C18orf63: variants seen among roughly 807,000 people sequenced by gnomAD.
C18orf63 encodes chromosome 18 open reading frame 63.
C18orf63 carries 50 observed loss-of-function variants against 75.3 expected under a neutral mutation model. The observed-to-expected ratio is 0.66, with a 90% CI of 0.53 to 0.84. The LOEUF is 0.84. Ranked by LOEUF, C18orf63 falls within the 40% of genes least tolerant of loss-of-function variation. The pLI, the probability that C18orf63 is intolerant of heterozygous loss-of-function variation, is 0.00. For synonymous variants in C18orf63, 232 were observed against 267.6 expected (o/e 0.87, Z 1.30); for missense variants, 732 against 800.2 (o/e 0.91, Z 1.03).
intron 4 of C18orf63, among the ~76,000 whole-genome samples, chr18:74,324,266 C>T (rs1390862393): frequency 6.6e-6 from 1 of 152,232 alleles, no homozygotes; most frequent in Non-Finnish European, 1.5e-5. Context: ...ATTTTACCCA[C>T]TGCCACTACT....
At chr18:74,343,409 A>G (rs1984520672) in intron 10 of C18orf63, 110 bp from the exon 11 acceptor site, 1 of 616,160 alleles carries the variant, frequency 1.6e-6, no homozygotes, top group South Asian at 2.3e-5. Flanking sequence ...GAGTTAAGAT[A>G]TATTTATGTG....
intron 4 of C18orf63, among the ~76,000 whole-genome samples, chr18:74,323,125 G>A (rs1984152735): frequency 6.6e-6 from 1 of 152,162 alleles, no homozygotes; most frequent in Non-Finnish European, 1.5e-5. Flanking sequence ...ATGGTGATGA[G>A]CTTCTGGATC....
At chr18:74,327,283 G>A (rs1984224960) in intron 4 of C18orf63, among the ~76,000 whole-genome samples, 1 of 152,134 alleles carries the variant, frequency 6.6e-6, no homozygotes, top group Admixed American at 6.6e-5. Context: ...TTTAGATTAA[G>A]TAAACTTAAT....
intron 2 of C18orf63, among the ~76,000 whole-genome samples, chr18:74,319,708 T>G (rs1358819433): frequency 2.6e-5 from 4 of 152,188 alleles, no homozygotes; most frequent in African/African-American, 9.6e-5. Flanking sequence ...AGGTGAATCC[T>G]TAGACTCTTG....
At chr18:74,342,453 C>T (rs928982716) in intron 10 of C18orf63, 127 bp downstream of exon 10, 100 of 607,258 alleles carry the variant, frequency 1.6e-4, no homozygotes, top group East Asian at 1.2e-3. Context: ...GGTACATTTC[C>T]TCCTACTTCT....
intron 11 of C18orf63, among the ~76,000 whole-genome samples, chr18:74,346,102 ACTTTATG>A (rs1289411109): frequency 6.6e-6 from 1 of 152,090 alleles, no homozygotes; most frequent in African/African-American, 2.4e-5. Flanking sequence ...ATAGTTTATA[ACTTTATG>A]TATGGGAAGT....
At chr18:74,332,021 C>G (rs774377687) in intron 7 of C18orf63, among the ~76,000 whole-genome samples, 12 of 152,106 alleles carry the variant, frequency 7.9e-5, no homozygotes, top group Non-Finnish European at 1.5e-4. Flanking sequence ...TGATGAGGAA[C>G]CTTCCCAAGG....
rs1045444372 is a variant in C18orf63 at position 74,357,802 on chromosome 18, A to T, written c.*1355A>T. 6.6e-6 allele frequency: 1 copy of T among 152,102 alleles called. No individual in the cohort carries two copies. The highest frequency in any genetic ancestry group is 1.5e-5 in the Non-Finnish European group (1 of 68,016). 9.4% of individuals were successfully genotyped at this position (152,102 alleles called of 1,614,324 possible). On this transcript the variant is annotated 3_prime_UTR_variant, in exon 14 of 14. Transcript: ENST00000579455. ...CCAGAATTATCTCTATTTCCCAATTATTTTACCATTTTCATAAGGATAAGC... is the reference window on the plus strand; with the variant it reads ...CCAGAATTATCTCTATTTCCCAATTTTTTTACCATTTTCATAAGGATAAGC...
chr18:74,317,032 A>T (rs1311899166), intron 1 of C18orf63, among the ~76,000 whole-genome samples: 1 of 152,194 alleles, frequency 6.6e-6, no homozygotes, highest in Non-Finnish European at 1.5e-5. Flanking sequence ...TCCTCAGATG[A>T]CACCACAAAC....
At position 74,320,453 on chromosome 18, in the gene C18orf63, G is replaced by C; in HGVS notation, c.135-60G>C. 2.7e-6 allele frequency: 3 copies of C among 1,117,492 alleles called. No individual in the cohort carries two copies. In the South Asian group the frequency reaches 4.3e-5, roughly 16 times the overall value. The allele number at this position is 1,117,492 out of a possible 1,614,324, so 69.2% of individuals were successfully genotyped here. On this transcript the variant is annotated intron_variant, in intron 2 of 13. Coordinates refer to ENST00000579455, the MANE Select transcript of C18orf63 (RefSeq NM_001174123.2). ...GGGATTATAATTCAACATGAGATTT[G>C]GGTGGGGACACAGAACCAAACCATA...
rs1402139143 is a variant in C18orf63 at position 74,342,246 on chromosome 18, C to T, written c.714C>T (p.Gly238=). 6 of 1,524,692 alleles carry T rather than the reference C, an allele frequency of 3.9e-6. No homozygotes were observed. In the South Asian group the frequency reaches 7.2e-5, roughly 18 times the overall value. 94.4% of individuals were successfully genotyped at this position (1,524,692 alleles called of 1,614,324 possible). A position where few individuals can be genotyped will look rare whatever the true frequency, so the allele number is the denominator to read the frequency against. ...ATTTTGTGCTTAATTTTTAGTATGG[C>T]TATAAACTTCCAGGTGATTGTGGAA... ...DFQRHWDALY[G]YKLPGDCGKI... Residue 238 remains glycine, a synonymous_variant, in exon 10 of 14, where the codon GGC becomes GGT. Transcript: ENST00000579455.
chr18:74,355,931 T>C (rs917294110), intron 13 of C18orf63, among the ~76,000 whole-genome samples: 8 of 152,008 alleles, frequency 5.3e-5, no homozygotes, highest in Non-Finnish European at 8.8e-5. Flanking sequence ...TGGTGGTGCA[T>C]GCCTATAGTC....
Position 74,347,766 on chromosome 18 carries a change from A to G in C18orf63, c.978+4064A>G, listed in dbSNP as rs534740453. Among the ~76,000 whole-genome samples the G allele has an allele frequency of 2.6e-5, 4 of 152,360 alleles. No homozygotes were observed. In the South Asian group the frequency reaches 8.3e-4, roughly 32 times the overall value. ...TTGATAAAACTCAGCCAGCTTAAAA[A>G]AATTAGGAATCCTTAGTCAAACTTG... is the stretch of plus-strand genomic sequence containing the variant. On this transcript the variant is annotated intron_variant, in intron 11 of 13. Coordinates refer to ENST00000579455, the MANE Select transcript of C18orf63 (RefSeq NM_001174123.2).
At chr18:74,340,195 G>A (rs112858432) in intron 8 of C18orf63, among the ~76,000 whole-genome samples, 41 of 152,242 alleles carry the variant, frequency 2.7e-4, no homozygotes, top group African/African-American at 9.6e-4. Flanking sequence ...AATGGGCAAA[G>A]CCCTCGAATA....
In C18orf63 at chr18:74,353,554, C is replaced by G; in HGVS notation, c.1287C>G (p.Ser429Arg). 1 of 1,536,532 alleles carries G rather than the reference C, an allele frequency of 6.5e-7. No homozygotes were observed. Among genetic ancestry groups the G allele is most frequent in the South Asian group, 1.2e-5 (1 of 84,066 alleles). Residue 429 changes from serine to arginine, a missense_variant, in exon 12 of 14, where the codon AGC becomes AGG. Coordinates refer to ENST00000579455, the MANE Select transcript of C18orf63 (RefSeq NM_001174123.2). ...QVQHTNLSSQ[S>R]NITPKFVPVF... ...AGCACACAAATCTTAGCTCCCAAAGCAACATCACCCCTAAGTTTGTACCAG... is the reference window on the plus strand; with the variant it reads ...AGCACACAAATCTTAGCTCCCAAAGGAACATCACCCCTAAGTTTGTACCAG...
In C18orf63 at chr18:74,346,137, C is replaced by T. The variant is rs374544817; in HGVS notation, c.978+2435C>T. On this transcript the variant is annotated intron_variant, in intron 11 of 13. Transcript: ENST00000579455. ...TGGGAAGTCTTTTGTACTTCCTATA[C>T]ATAAATTACTTCAAAATGTATTAAT... 3.3e-5 allele frequency among the ~76,000 whole-genome samples: 5 copies of T among 152,008 alleles called. No individual in the cohort carries two copies. The East Asian group carries it at 9.6e-4, about 29-fold the overall frequency.
At chr18:74,341,373 T>C (rs948271779) in intron 8 of C18orf63, among the ~76,000 whole-genome samples, 5 of 151,840 alleles carry the variant, frequency 3.3e-5, no homozygotes, top group Non-Finnish European at 7.4e-5. Flanking sequence ...GCAATTACTT[T>C]TTTTACATAC....
intron 5 of C18orf63, among the ~76,000 whole-genome samples, chr18:74,328,673 G>A (rs998088447): frequency 1.3e-5 from 2 of 152,116 alleles, no homozygotes; most frequent in African/African-American, 2.4e-5. Flanking sequence ...AAGTTACAAA[G>A]CAGTATGATA....
At chr18:74,343,955 A>G (rs1389168802) in intron 11 of C18orf63, among the ~76,000 whole-genome samples, 1 of 152,120 alleles carries the variant, frequency 6.6e-6, no homozygotes, top group African/African-American at 2.4e-5. Context: ...GATATAAATG[A>G]GTTGGGTTAT....
Sources: gnomAD v4.1 joint callset for allele counts (sites outside exome capture counted in the v4.1 genomes callset) on GRCh38, gnomAD v4.1.1 for gene constraint, MANE v1.5 for transcripts, NCBI Gene and HGNC (gene_info 2026-07-23, HGNC 2026-07-21) for gene names.